Variants in USP9Y observed in about 807,000 individuals in gnomAD.
USP9Y encodes the protein ubiquitin carboxyl-terminal hydrolase 9Y.
In USP9Y, 41 loss-of-function variants were observed where a neutral mutation model predicts 53.1. The ratio of observed to expected loss-of-function variants is 0.77; its 90% confidence interval spans 0.60 to 1.00. The LOEUF is 1.00. Among genes scored for constraint, USP9Y ranks in the 50% least tolerant of loss-of-function variants. The probability of loss-of-function intolerance (pLI) is 0.00; values close to 1 mark genes in which losing one functional copy is unlikely to be tolerated. For synonymous variants in USP9Y, 220 were observed against 173.7 expected, an observed-to-expected ratio of 1.27 and a Z score of -2.09; for missense variants, 567 against 535.8, an observed-to-expected ratio of 1.06 and a Z score of -0.58.
At chrY:12,713,345 A>G (rs2053426824) in intron 3 of USP9Y, among the ~76,000 whole-genome samples, 1 of 32,067 alleles carries the variant, frequency 3.1e-5, no homozygotes, top group Non-Finnish European at 7.5e-5. Flanking sequence ...TGCTAATTTT[A>G]TTTTAAAGAA....
intron 12 of USP9Y, among the ~76,000 whole-genome samples, chrY:12,754,499 CCT>C (rs2053466637): frequency 3.1e-5 from 1 of 32,626 alleles, no homozygotes; most frequent in Non-Finnish European, 7.4e-5. Flanking sequence ...CCTTCCTTGG[CCT>C]CTCAGAGTGG....
At position 12,760,485 on chromosome Y, in the gene USP9Y, C is replaced by T; in HGVS notation, c.1768C>T (p.Gln590Ter). 2.5e-6 allele frequency: 1 copy of T among 397,631 alleles called. No individual in the cohort carries two copies. The highest frequency in any genetic ancestry group is 3.0e-5 in the South Asian group (1 of 33,723). ...ACTGTTAAGTTCTTCTTATTTCAGT[C>T]AAACTCAGCGAAGTCCCCACATATT... ...LFGEASQNLS[Q>*]TQRSPHIFYR... is the part of the protein sequence containing the mutation. Residue 590 changes from glutamine (Q) to a stop codon, truncating the protein, a stop_gained and splice_region_variant, in exon 15 of 46, where the codon CAA becomes TAA. Coordinates refer to ENST00000338981, the MANE Select transcript of USP9Y (RefSeq NM_004654.4). LOFTEE classifies it high-confidence loss of function.
At chrY:12,702,506 A>G (rs1046700850) in intron 1 of USP9Y, among the ~76,000 whole-genome samples, 9 of 33,631 alleles carry the variant, frequency 2.7e-4, no homozygotes, top group African/African-American at 1.0e-3. Context: ...AAGGGTACCT[A>G]TGTTGAGGCC....
At chrY:12,732,645 C>T (rs2053447925) in intron 7 of USP9Y, among the ~76,000 whole-genome samples, 1 of 31,421 alleles carries the variant, frequency 3.2e-5, no homozygotes, top group African/African-American at 1.2e-4. Context: ...CCTGGCCACC[C>T]GGCTACTTGT....
At chrY:12,721,280 T>G in intron 4 of USP9Y, 1 of 13,076 alleles carries the variant, frequency 7.6e-5, no homozygotes, top group Non-Finnish European at 1.2e-4. Flanking sequence ...CAGAAAAGAT[T>G]TTTTTTTTTG....
rs753904768 is a variant in USP9Y, at chrY:12,842,306, C to T, written c.6279C>T (p.Val2093=). 4 of 398,237 alleles carry T rather than the reference C, an allele frequency of 1.0e-5. No homozygotes were observed. The highest frequency in any genetic ancestry group is 1.1e-5 in the Non-Finnish European group (3 of 283,322). ...KNVRFWFTHN[V]LFNVSNRFSE... is the part of the protein sequence containing the mutation. Reference sequence around the variant, plus strand: ...TACGTTTTTGGTTTACTCATAATGTCCTTTTTAATGTATCAAATCGCTTCT... The same window carrying T: ...TACGTTTTTGGTTTACTCATAATGTTCTTTTTAATGTATCAAATCGCTTCT... The change falls in exon 38 of 46, where the codon GTC becomes GTT. Residue 2093 remains valine, a synonymous_variant. Coordinates refer to ENST00000338981, the MANE Select transcript of USP9Y (RefSeq NM_004654.4).
intron 12 of USP9Y, among the ~76,000 whole-genome samples, chrY:12,745,990 C>T: frequency 3.0e-5 from 1 of 33,838 alleles, no homozygotes; most frequent in Non-Finnish European, 7.3e-5. Flanking sequence ...TTTGAGAGCA[C>T]CTGTTAAAGT....
At chrY:12,816,840 T>A in intron 32 of USP9Y, among the ~76,000 whole-genome samples, 1 of 34,270 alleles carries the variant, frequency 2.9e-5, no homozygotes, top group Admixed American at 2.7e-4. Context: ...AGTTAACAGT[T>A]GCAGTCAGGC....
intron 12 of USP9Y, among the ~76,000 whole-genome samples, chrY:12,756,826 C>G: frequency 3.0e-5 from 1 of 33,819 alleles, no homozygotes; most frequent in Non-Finnish European, 7.3e-5. Flanking sequence ...CTTATGTTTG[C>G]TTTTTGTTGT....
At chrY:12,827,917 C>T (rs370755956) in intron 33 of USP9Y, among the ~76,000 whole-genome samples, 9 of 32,866 alleles carry the variant, frequency 2.7e-4, no homozygotes, top group African/African-American at 9.5e-4. Flanking sequence ...GCCGAAACCA[C>T]GCCATTGTAC....
At chrY:12,735,516 T>A (rs2053450649) in intron 7 of USP9Y, 96 bp from the exon 8 acceptor site, 1 of 158,973 alleles carries the variant, frequency 6.3e-6, no homozygotes, top group Admixed American at 1.3e-4. Flanking sequence ...TTTAATTAAA[T>A]TTTCCATTTC....
intron 14 of USP9Y, among the ~76,000 whole-genome samples, chrY:12,759,951 T>TA (rs2053473453): frequency 3.0e-5 from 1 of 33,813 alleles, no homozygotes; most frequent in Non-Finnish European, 7.3e-5. Flanking sequence ...AAAAAATACT[T>TA]ATGAAGGACA....
chrY:12,708,582 G>A (rs2148278781), intron 1 of USP9Y, 52 bp from the exon 2 acceptor site: 1 of 33,858 alleles, frequency 3.0e-5, no homozygotes, highest in South Asian at 6.6e-4. Context: ...TGTTGACTGT[G>A]CATTGTCTTG....
chrY:12,726,762 T>C lies in USP9Y; in HGVS notation c.626T>C (p.Phe209Ser). Residue 209 changes from phenylalanine (F) to serine (S), a missense_variant, in exon 7 of 46, where the codon TTT (phenylalanine) becomes TCT (serine). Transcript: ENST00000338981. ...SNAQLPEDELFARSSDPRSPK... is the reference protein window; with the variant it reads ...SNAQLPEDELSARSSDPRSPK... ...GCTCAGTTGCCTGAAGATGAATTATTTGCTCGTTCTTCAGATCCTCGATCA... is the reference window on the plus strand; with the variant it reads ...GCTCAGTTGCCTGAAGATGAATTATCTGCTCGTTCTTCAGATCCTCGATCA... The C allele has an allele frequency of 2.5e-6, 1 of 398,402 alleles. No homozygotes were observed. Among genetic ancestry groups the C allele is most frequent in the Non-Finnish European group, 3.5e-6 (1 of 283,046 alleles).
chrY:12,716,054 A>T, intron 3 of USP9Y, among the ~76,000 whole-genome samples: 2 of 33,252 alleles, frequency 6.0e-5, no homozygotes, highest in Non-Finnish European at 1.5e-4. Context: ...TTTTGCTTTA[A>T]TGTGTCACTT....
chrY:12,758,008 C>T (rs2148283842), intron 13 of USP9Y, among the ~76,000 whole-genome samples: 1 of 33,588 alleles, frequency 3.0e-5, no homozygotes, highest in South Asian at 6.5e-4. Context: ...TTTAAAAGCA[C>T]TAAGTGACTT....
chrY:12,720,243 C>T, intron 3 of USP9Y, among the ~76,000 whole-genome samples: 1 of 32,470 alleles, frequency 3.1e-5, no homozygotes, highest in Non-Finnish European at 7.6e-5. Flanking sequence ...ACTAAAAATA[C>T]AAAAAATTAG....
At chrY:12,749,729 T>C (rs2053462710) in intron 12 of USP9Y, among the ~76,000 whole-genome samples, 1 of 34,463 alleles carries the variant, frequency 2.9e-5, no homozygotes, top group South Asian at 6.3e-4. Flanking sequence ...TGGAAGTGTT[T>C]ACAAGCTTTA....
chrY:12,798,990 T>TG (rs2053516230), intron 27 of USP9Y, among the ~76,000 whole-genome samples: 8 of 29,630 alleles, frequency 2.7e-4, no homozygotes, highest in Non-Finnish European at 5.6e-4. Flanking sequence ...CTCAGCCTCC[T>TG]GAGTAACTGG....
Sources: allele counts gnomAD v4.1 joint callset (sites outside exome capture counted in the v4.1 genomes callset), GRCh38; gene constraint gnomAD v4.1.1; transcripts MANE v1.5; gene names NCBI Gene and HGNC (gene_info 2026-07-23, HGNC 2026-07-21).